SLCO5A1: variants seen among roughly 807,000 people sequenced by gnomAD.
The protein encoded by SLCO5A1 is solute carrier organic anion transporter family member 5A1, also known as organic anion transporter polypeptide-related protein 4.
In SLCO5A1, 39 loss-of-function variants were observed where a neutral mutation model predicts 65.1. The observed-to-expected ratio is 0.60, with a 90% CI of 0.46 to 0.78. The LOEUF (loss-of-function observed/expected upper bound fraction) is 0.78. SLCO5A1 is among the 30% of genes least tolerant of loss of function. The probability of loss-of-function intolerance (pLI) is 0.00; values close to 1 mark genes in which losing one functional copy is unlikely to be tolerated. For missense variants in SLCO5A1, 1,029 were observed against 1,069.4 expected (o/e 0.96, Z 0.53); for synonymous variants, 438 against 415.7 (o/e 1.05, Z -0.65).
Position 69,832,818 on chromosome 8 carries a change from A to T in SLCO5A1, c.-145T>A. 2 of 915,164 alleles carry T rather than the reference A, an allele frequency of 2.2e-6. No homozygotes were observed. Among genetic ancestry groups the T allele is most frequent in the South Asian group, 1.7e-5 (1 of 57,904 alleles). The allele number at this position is 915,164 out of a possible 1,614,324, so 56.7% of individuals were successfully genotyped here. On this transcript the variant is annotated 5_prime_UTR_variant, in exon 2 of 10. The change abolishes an upstream ATG in the 5' untranslated region. Transcript: ENST00000260126. This position sits in a 1 kb window ranked among gnomAD's most constrained non-coding sequence, Gnocchi z 4.5. ...GGGGCGCAGGGCCGCGCAGCAGGGC[A>T]TCCTCACCAGCTGCGAGGCGCCCAG...
At chr8:69,691,209 A>G (rs1303554444) in intron 6 of SLCO5A1, among the ~76,000 whole-genome samples, 1 of 152,124 alleles carries the variant, frequency 6.6e-6, no homozygotes, top group African/African-American at 2.4e-5. Flanking sequence ...TTAAAACTGG[A>G]GGAAAATTGT....
chr8:69,705,274 T>C, intron 5 of SLCO5A1, 45 bp from the exon 6 acceptor site: 1 of 1,574,498 alleles, frequency 6.4e-7, no homozygotes, highest in East Asian at 2.2e-5. Flanking sequence ...TCATGTACAC[T>C]ATTATTCATC....
intron 5 of SLCO5A1, among the ~76,000 whole-genome samples, chr8:69,711,015 C>T (rs34308853): frequency 1.3e-5 from 2 of 151,860 alleles, no homozygotes. Context: ...TCATACTGTC[C>T]CCCCCACTCA....
chr8:69,778,619 A>T (rs538760182), intron 2 of SLCO5A1, among the ~76,000 whole-genome samples: 1 of 152,316 alleles, frequency 6.6e-6, no homozygotes, highest in Admixed American at 6.5e-5. Flanking sequence ...TAAGCAAAAA[A>T]ATTAAACATA....
intron 2 of SLCO5A1, among the ~76,000 whole-genome samples, chr8:69,770,454 T>A (rs1047988480): frequency 6.6e-6 from 1 of 152,054 alleles, no homozygotes; most frequent in African/African-American, 2.4e-5. Context: ...ATTAATTAGT[T>A]AATTAAATTT....
chr8:69,686,584 C>T lies in SLCO5A1; in HGVS notation c.1623-4241G>A, dbSNP rs186506875. ...GAGAATTGTCATTATTATTGCCACA[C>T]TTCCATCTTTCAGACGAAGAAATTG... is the stretch of plus-strand genomic sequence containing the variant. On this transcript the variant is annotated intron_variant, in intron 6 of 9. Transcript: ENST00000260126. Among the ~76,000 whole-genome samples, 214 of 152,326 alleles carry T rather than the reference C, an allele frequency of 1.4e-3. 1 individual carries two copies. The highest frequency in any genetic ancestry group is 4.9e-3 in the African/African-American group (203 of 41,564).
At chr8:69,686,308 T>A (rs575162123) in intron 6 of SLCO5A1, among the ~76,000 whole-genome samples, 3 of 152,084 alleles carry the variant, frequency 2.0e-5, no homozygotes, top group Non-Finnish European at 2.9e-5. Context: ...AATTTCTTAA[T>A]CTTCATCAAT....
chr8:69,831,922 C>G lies in SLCO5A1; in HGVS notation c.752G>C (p.Cys251Ser), dbSNP rs1306300681. 2 of 1,606,562 alleles carry G rather than the reference C, an allele frequency of 1.2e-6. No individual in the cohort carries two copies. The highest frequency in any genetic ancestry group is 1.7e-6 in the Non-Finnish European group (2 of 1,177,164). Residue 251 changes from cysteine to serine, a missense_variant, in exon 2 of 10, where the codon TGT (cysteine) becomes TCT (serine). Cys to Ser is a moderately radical substitution (Grantham distance 112). This residue lies in a region of SLCO5A1 where 647 missense variants were observed against 647.5 expected (regional missense o/e 1.00). Transcript: ENST00000260126. ...NSTATLEPPA[C>S]PKDSGGNNHW... is the part of the protein sequence containing the mutation. ...ATTATTTCCTCCCGAGTCCTTCGGACAGGCCGGAGGCTCCAAAGTGGCGGT... is the reference window on the plus strand; with the variant it reads ...ATTATTTCCTCCCGAGTCCTTCGGAGAGGCCGGAGGCTCCAAAGTGGCGGT...
At chr8:69,816,761 A>T (rs766377896) in intron 2 of SLCO5A1, among the ~76,000 whole-genome samples, 1 of 152,180 alleles carries the variant, frequency 6.6e-6, no homozygotes, top group Non-Finnish European at 1.5e-5. Context: ...TCTTTTTAAA[A>T]TTATGCCCAA....
intron 2 of SLCO5A1, among the ~76,000 whole-genome samples, chr8:69,807,226 T>G (rs1482805065): frequency 1.3e-5 from 2 of 152,210 alleles, no homozygotes; most frequent in African/African-American, 4.8e-5. Flanking sequence ...TTATTTTTAA[T>G]TGACATAATA....
chr8:69,826,111 C>T (rs1020805172), intron 2 of SLCO5A1, among the ~76,000 whole-genome samples: 251 of 152,268 alleles, frequency 1.6e-3, no homozygotes, highest in Non-Finnish European at 2.9e-3. Flanking sequence ...CTTCCTTACA[C>T]CTTATACAAA....
intron 2 of SLCO5A1, chr8:69,772,939 G>A: frequency 9.1e-6 from 9 of 985,412 alleles, no homozygotes; most frequent in South Asian, 4.7e-5. Context: ...AAGGTTCAGT[G>A]AGTGGGTGCA....
At chr8:69,784,182 A>C (rs932229219) in intron 2 of SLCO5A1, among the ~76,000 whole-genome samples, 1 of 152,238 alleles carries the variant, frequency 6.6e-6, no homozygotes, top group Non-Finnish European at 1.5e-5. Context: ...ATACCTAAAG[A>C]GTTCTTACAA....
At chr8:69,824,682 A>C (rs1037368012) in intron 2 of SLCO5A1, among the ~76,000 whole-genome samples, 2 of 152,170 alleles carry the variant, frequency 1.3e-5, no homozygotes, top group Non-Finnish European at 2.9e-5. Context: ...ATTCACAGCC[A>C]AATTCTACCA....
chr8:69,820,245 G>A (rs1222868147), intron 2 of SLCO5A1, among the ~76,000 whole-genome samples: 1 of 152,222 alleles, frequency 6.6e-6, no homozygotes, highest in Non-Finnish European at 1.5e-5. Flanking sequence ...ACAGGTGAGT[G>A]ATAACTGAGA....
intron 2 of SLCO5A1, among the ~76,000 whole-genome samples, chr8:69,818,489 T>C (rs1000657953): frequency 5.9e-5 from 9 of 152,178 alleles, no homozygotes; most frequent in Admixed American, 5.2e-4. Flanking sequence ...AGAAGGACTG[T>C]TTCAGACCAC....
intron 2 of SLCO5A1, among the ~76,000 whole-genome samples, chr8:69,814,421 G>A (rs1453887606): frequency 2.0e-5 from 3 of 152,050 alleles, no homozygotes; most frequent in Non-Finnish European, 2.9e-5. Context: ...TGAAAAGAAT[G>A]CTTAATATTG....
In SLCO5A1 at chr8:69,670,607, A is replaced by T. The variant is rs1357312476; in HGVS notation, c.*2262T>A. ...CCAATCATCCCAAAGGATTTTATGG[A>T]GTGGCAGATGGTAATCAGGTAATAT... On this transcript the variant is annotated 3_prime_UTR_variant, in exon 10 of 10. Coordinates refer to ENST00000260126, the MANE Select transcript of SLCO5A1 (RefSeq NM_030958.3). 2.0e-5 allele frequency: 3 copies of T among 152,182 alleles called. No individual in the cohort carries two copies. Among genetic ancestry groups the T allele is most frequent in the African/African-American group, 7.2e-5 (3 of 41,440 alleles). The allele number at this position is 152,182 out of a possible 1,614,324, so 9.4% of individuals were successfully genotyped here.
chr8:69,794,322 G>C, intron 2 of SLCO5A1: 1 of 449,274 alleles, frequency 2.2e-6, no homozygotes, highest in South Asian at 1.8e-5. Context: ...AGATGTCACA[G>C]GGCAGCCAGG....
Sources: gnomAD v4.1 joint callset for allele counts (sites outside exome capture counted in the v4.1 genomes callset) on GRCh38, gnomAD v4.1.1 for gene constraint, gnomAD v4.1.1 regional missense constraint, Gnocchi (gnomAD v3.1) non-coding constraint, MANE v1.5 for transcripts, NCBI Gene and HGNC (gene_info 2026-07-23, HGNC 2026-07-21) for gene names.